Variants in KRT17 observed in about 807,000 individuals in gnomAD.
The protein encoded by KRT17 is keratin 17, also known as keratin, type I cytoskeletal 17.
A neutral mutation model predicts 45.6 loss-of-function variants in KRT17; 29 were observed. The ratio of observed to expected loss-of-function variants is 0.64; its 90% CI spans 0.47 to 0.87. The LOEUF is 0.87. Among genes scored for constraint, KRT17 ranks in the 40% least tolerant of loss-of-function variants. KRT17 has a pLI of 0.00. For missense variants in KRT17, 536 were observed against 577.8 expected, an observed-to-expected ratio of 0.93 and a Z score of 0.74; for synonymous variants, 219 against 234.6, an observed-to-expected ratio of 0.93 and a Z score of 0.61.
chr17:41,621,673 T>G lies in KRT17; in HGVS notation c.754A>C (p.Ile252Leu). ...DAAPGVDLSR[I>L]LNEMRDQYEK... is the part of the protein sequence containing the mutation. ...TACTGGTCACGCATCTCGTTGAGGA[T>G]GCGGCTCAGGTCCACGCCTGGGGCA... Residue 252 changes from isoleucine (I) to leucine (L), a missense_variant, in exon 4 of 8, where the codon ATC becomes CTC. By Grantham distance (5) the Ile-to-Leu change is conservative. Transcript: ENST00000311208. 1 of 1,612,268 alleles carries G rather than the reference T, an allele frequency of 6.2e-7. No homozygotes were observed. The highest frequency in any genetic ancestry group is 8.5e-7 in the Non-Finnish European group (1 of 1,179,860).
chr17:41,620,487 C>T (rs1378330109), intron 7 of KRT17, 49 bp downstream of exon 7: 1 of 1,611,928 alleles, frequency 6.2e-7, no homozygotes, highest in Admixed American at 1.7e-5. Flanking sequence ...AGGTGGGCTG[C>T]CTGTCCCATG....
intron 7 of KRT17, 53 bp downstream of exon 7, chr17:41,620,483 G>A (rs764220511): frequency 1.2e-6 from 2 of 1,611,766 alleles, no homozygotes; most frequent in Non-Finnish European, 1.7e-6. Context: ...GTGCAGGTGG[G>A]CTGCCTGTCC....
rs1329065160 is a variant in KRT17 at position 41,624,194 on chromosome 17, C to T, written c.316G>A (p.Glu106Lys). The change falls in exon 1 of 8, where the codon GAG becomes AAG. Residue 106 changes from glutamate to lysine, a missense_variant. Physicochemically the swap from Glu to Lys is moderately conservative, Grantham distance 56 (BLOSUM62 1). Coordinates refer to ENST00000311208, the MANE Select transcript of KRT17 (RefSeq NM_000422.3). ...ASYLDKVRAL[E>K]EANTELEVKI... is the part of the protein sequence containing the mutation. ...ACCTCCAGCTCAGTGTTGGCCTCCTCCAGGGCACGCACCTTGTCCAGGTAG... is the reference window on the plus strand; with the variant it reads ...ACCTCCAGCTCAGTGTTGGCCTCCTTCAGGGCACGCACCTTGTCCAGGTAG... The T allele has an allele frequency of 6.2e-7, 1 of 1,612,648 alleles. No individual in the cohort carries two copies. Among genetic ancestry groups the T allele is most frequent in the Non-Finnish European group, 8.5e-7 (1 of 1,180,016 alleles).
In KRT17 at chr17:41,619,511, A is replaced by G; in HGVS notation, c.*83T>C. On this transcript the variant is annotated 3_prime_UTR_variant, in exon 8 of 8. Transcript: ENST00000311208. ...GGGAAGGGACTGAAGCAGGGGGCTG[A>G]GGCTGGAGAGGCCGGAGACTGTGGG... is the stretch of plus-strand genomic sequence containing the variant. 1 of 1,609,866 alleles carries G rather than the reference A, an allele frequency of 6.2e-7. No homozygotes were observed. The highest frequency in any genetic ancestry group is 8.5e-7 in the Non-Finnish European group (1 of 1,178,728).
intron 7 of KRT17, chr17:41,620,283 C>T (rs1418708674): frequency 1.0e-6 from 1 of 985,246 alleles, no homozygotes; most frequent in Non-Finnish European, 1.2e-6. Flanking sequence ...AGAGCTGGGA[C>T]CTGTCTCCTC....
rs1809199 is a variant in KRT17, at chr17:41,619,570, T to C, written c.*24A>G. 3.1e-6 allele frequency: 5 copies of C among 1,611,828 alleles called. No individual in the cohort carries two copies. The highest frequency in any genetic ancestry group is 4.2e-6 in the Non-Finnish European group (5 of 1,179,858). On this transcript the variant is annotated 3_prime_UTR_variant, in exon 8 of 8. Coordinates refer to ENST00000311208, the MANE Select transcript of KRT17 (RefSeq NM_000422.3). ...GGCGGCTGCCTCCCTGCCTCCTGGGTGGCCGGCCGGGGTAGCTGAGTCCTC... is the reference window on the plus strand; with the variant it reads ...GGCGGCTGCCTCCCTGCCTCCTGGGCGGCCGGCCGGGGTAGCTGAGTCCTC...
chr17:41,621,463 T>C (rs1908538928), intron 4 of KRT17, 130 bp downstream of exon 4: 4 of 1,147,938 alleles, frequency 3.5e-6, no homozygotes, highest in Admixed American at 1.8e-5. Flanking sequence ...ATGCAGTGGG[T>C]GACCCTGTGG....
At position 41,624,444 on chromosome 17, in the gene KRT17, G is replaced by A. The variant is rs77202564; in HGVS notation, c.66C>T (p.Gly22=). The A allele has an allele frequency of 2.4e-5, 39 of 1,610,032 alleles. No homozygotes were observed. The highest frequency in any genetic ancestry group is 4.0e-5 in the African/African-American group (3 of 74,830). ...SSIKGSSGLG[G]GSSRTSCRLS... is the part of the protein sequence containing the mutation. Reference sequence around the variant, plus strand: ...GCCGGCAGGAGGTGCGGGACGAGCCGCCCCCCAGGCCGGAGGAGCCCTTGA... The same window carrying A: ...GCCGGCAGGAGGTGCGGGACGAGCCACCCCCCAGGCCGGAGGAGCCCTTGA... Residue 22 remains glycine (G), a synonymous_variant, in exon 1 of 8, where the codon GGC becomes GGT. Transcript: ENST00000311208.
rs371076226 is a variant in KRT17, at chr17:41,624,372, G to A, written c.138C>T (p.Gly46=). 4.3e-5 allele frequency: 69 copies of A among 1,610,854 alleles called. No individual in the cohort carries two copies. Among genetic ancestry groups the A allele is most frequent in the South Asian group, 2.6e-4 (24 of 90,976 alleles). The change falls in exon 1 of 8, where the codon GGC becomes GGT. Residue 46 remains glycine (G), a synonymous_variant. Transcript: ENST00000311208. ...GAGSCRLGSA[G]GLGSTLGGSS... is the part of the protein sequence containing the mutation. Reference sequence around the variant, plus strand: ...TACCCCCGAGGGTGCTGCCCAGGCCGCCAGCAGATCCCAGCCTGCAGGAGC... The same window carrying A: ...TACCCCCGAGGGTGCTGCCCAGGCCACCAGCAGATCCCAGCCTGCAGGAGC...
chr17:41,621,802 CTCTCACT>C, intron 3 of KRT17, 48 bp from the exon 4 acceptor site: 7 of 1,609,802 alleles, frequency 4.3e-6, no homozygotes, highest in Non-Finnish European at 5.9e-6. Context: ...CCATCCTGAC[CTCTCACT>C]CCCAAGCCTT....
chr17:41,621,737 T>G lies in KRT17; in HGVS notation c.690A>C (p.Arg230=). The G allele has an allele frequency of 3.7e-6, 6 of 1,612,058 alleles. No individual in the cohort carries two copies. The highest frequency in any genetic ancestry group is 5.1e-6 in the Non-Finnish European group (6 of 1,179,866). Reference sequence around the variant, plus strand: ...CATTGATCTCACCACCCACCTGGCCTCGCAGGGCGTTCATCTCCTATGGAA... The same window carrying G: ...CATTGATCTCACCACCCACCTGGCCGCGCAGGGCGTTCATCTCCTATGGAA... ...KNHEEEMNAL[R]GQVGGEINVE... is the part of the protein sequence containing the mutation. Residue 230 remains arginine, a synonymous_variant, in exon 4 of 8, where the codon CGA becomes CGC. Coordinates refer to ENST00000311208, the MANE Select transcript of KRT17 (RefSeq NM_000422.3).
chr17:41,624,050 G>A (rs756075518), intron 1 of KRT17, 28 bp downstream of exon 1: 27 of 1,611,750 alleles, frequency 1.7e-5, no homozygotes, highest in Middle Eastern at 2.2e-4. Flanking sequence ...CATGCCCCCC[G>A]GAGACCCCTC....
In KRT17 at chr17:41,622,605, A is replaced by C. The variant is rs62066637; in HGVS notation, c.516-94T>G. 6 of 1,428,556 alleles carry C rather than the reference A, an allele frequency of 4.2e-6. No homozygotes were observed. In the African/African-American group the frequency reaches 8.4e-5, roughly 20 times the overall value. The allele number at this position is 1,428,556 out of a possible 1,614,324, so 88.5% of individuals were successfully genotyped here. A position where few individuals can be genotyped will look rare whatever the true frequency, so the allele number is the denominator to read the frequency against. On this transcript the variant is annotated intron_variant, in intron 2 of 7. Transcript: ENST00000311208. The stretch of plus-strand genomic sequence containing the variant: ...CTGCCTTCATTTTGCCAGGACTCTA[A>C]GGAGTTGGAAGGGCTGATGAGAGGG...
At position 41,624,332 on chromosome 17, in the gene KRT17, A is replaced by T. The variant is rs1314250126; in HGVS notation, c.178T>A (p.Cys60Ser). The change falls in exon 1 of 8, where the codon TGC (cysteine) becomes AGC (serine). Residue 60 changes from cysteine to serine, a missense_variant. Transcript: ENST00000311208. ...STLGGSSYSS[C>S]YSFGSGGGYG... is the part of the protein sequence containing the mutation. ...CCACCACCAGAGCCAAAGCTGTAGC[A>T]GCTGGAGTAGCTGCTACCCCCGAGG... The T allele has an allele frequency of 5.0e-6, 8 of 1,611,712 alleles. No individual in the cohort carries two copies. The Admixed American group carries it at 1.3e-4, about 27-fold the overall frequency.
intron 2 of KRT17, 126 bp downstream of exon 2, chr17:41,622,824 A>G: frequency 1.2e-6 from 1 of 849,644 alleles, no homozygotes; most frequent in Non-Finnish European, 2.0e-6. Context: ...TGGGGCTCCT[A>G]GGACTGCCCC....
chr17:41,622,389 T>A lies in KRT17; in HGVS notation c.638A>T (p.Glu213Val). ...DLEMQIENLKEELAYLKKNHE... is the reference protein window; with the variant it reads ...DLEMQIENLKVELAYLKKNHE... ...GTTCTTCTTCAGGTAGGCCAGCTCC[T>A]CCTTGAGGTTCTCAATCTGCATCTC... Residue 213 changes from glutamate (E) to valine (V), a missense_variant, in exon 3 of 8, where the codon GAG becomes GTG. Glu to Val is a moderately radical substitution (Grantham distance 121). Transcript: ENST00000311208. 1 of 1,613,956 alleles carries A rather than the reference T, an allele frequency of 6.2e-7. No individual in the cohort carries two copies. The highest frequency in any genetic ancestry group is 8.5e-7 in the Non-Finnish European group (1 of 1,180,050).
chr17:41,623,250 C>G lies in KRT17; in HGVS notation c.433-218G>C, dbSNP rs1356879504. 5.7e-6 allele frequency: 3 copies of G among 528,472 alleles called. No individual in the cohort carries two copies. The African/African-American group carries it at 5.8e-5, about 10-fold the overall frequency. 32.7% of individuals were successfully genotyped at this position (528,472 alleles called of 1,614,324 possible). ...TCAGTACCCCACCAGACCCCCATGG[C>G]AGGCTCGGCCTTAAAGGAGAAGAGA... On this transcript the variant is annotated intron_variant, in intron 1 of 7. Transcript: ENST00000311208.
intron 1 of KRT17, 133 bp downstream of exon 1, chr17:41,623,945 A>G (rs1334974308): frequency 9.7e-6 from 13 of 1,341,392 alleles, no homozygotes; most frequent in East Asian, 6.9e-5. Flanking sequence ...GCAGGTTCCC[A>G]GAAGCTAAGC....
intron 1 of KRT17, among the ~76,000 whole-genome samples, 166 bp downstream of exon 1, chr17:41,623,912 G>A (rs1168160624): frequency 6.6e-6 from 1 of 152,248 alleles, no homozygotes; most frequent in Non-Finnish European, 1.5e-5. Context: ...AAAGGGGGAT[G>A]TGAGCCACAC....
Sources: allele counts gnomAD v4.1 joint callset (sites outside exome capture counted in the v4.1 genomes callset), GRCh38; gene constraint gnomAD v4.1.1; transcripts MANE v1.5; gene names NCBI Gene and HGNC (gene_info 2026-07-23, HGNC 2026-07-21).